The following UBALD2 variants were observed in gnomAD, a reference collection of about 807,000 sequenced individuals.
UBALD2 encodes the protein UBA like domain containing 2.
In UBALD2, 8 loss-of-function variants were observed where a neutral mutation model predicts 15.9. That is an observed-to-expected ratio of 0.50 (90% CI 0.29 to 0.91). The LOEUF is 0.91. UBALD2 is among the 40% of genes least tolerant of loss of function. UBALD2 has a pLI of 0.07. For synonymous variants in UBALD2, 113 were observed against 97.7 expected, an observed-to-expected ratio of 1.16 and a Z score of -0.93; for missense variants, 178 against 234.8, an observed-to-expected ratio of 0.76 and a Z score of 1.58.
intron 2 of UBALD2, among the ~76,000 whole-genome samples, chr17:76,267,312 T>C (rs574609103): frequency 2.6e-5 from 4 of 152,208 alleles, no homozygotes; most frequent in African/African-American, 9.6e-5. Flanking sequence ...CCTGTTTAGT[T>C]CCTATTGCCC....
At chr17:76,268,387 C>T (rs1313582200) in intron 2 of UBALD2, among the ~76,000 whole-genome samples, 2 of 151,874 alleles carry the variant, frequency 1.3e-5, no homozygotes, top group East Asian at 1.9e-4. Context: ...CGCTGGCTGG[C>T]GGGGAACTGG....
chr17:76,265,828 G>A (rs1234578863), intron 1 of UBALD2, 79 bp from the exon 2 acceptor site: 1 of 1,513,476 alleles, frequency 6.6e-7, no homozygotes, highest in South Asian at 1.2e-5. Flanking sequence ...GCGGAGGCGG[G>A]GAGAGCCGGT....
chr17:76,270,231 A>G lies in UBALD2; in HGVS notation c.221A>G (p.Asn74Ser). Reference sequence around the variant, plus strand: ...AGCAACACCCCTGCCACGCCGCCCAACTTCCCCGATGCGCTGGCCATGTTC... The same window carrying G: ...AGCAACACCCCTGCCACGCCGCCCAGCTTCCCCGATGCGCTGGCCATGTTC... ...TPSNTPATPP[N>S]FPDALAMFSK... is the part of the protein sequence containing the mutation. Residue 74 changes from asparagine to serine, a missense_variant, in exon 3 of 3, where the codon AAC becomes AGC. By Grantham distance (46) the Asn-to-Ser change is conservative (BLOSUM62 1). Transcript: ENST00000327490. The G allele has an allele frequency of 1.2e-6, 2 of 1,612,650 alleles. No homozygotes were observed. Among genetic ancestry groups the G allele is most frequent in the Non-Finnish European group, 1.7e-6 (2 of 1,179,896 alleles).
intron 2 of UBALD2, among the ~76,000 whole-genome samples, chr17:76,267,490 C>CTTTTTTTTTT (rs55819046): frequency 8.7e-6 from 1 of 115,096 alleles, no homozygotes; most frequent in Non-Finnish European, 1.7e-5. Flanking sequence ...TTCATGGTTT[C>CTTTTTTTTTT]TTTTTTTTTT....
rs200806617 is a variant in UBALD2 at position 76,265,979 on chromosome 17, G to T, written c.183+10G>T. 59 of 1,564,774 alleles carry T rather than the reference G, an allele frequency of 3.8e-5. No homozygotes were observed. The East Asian group carries it at 1.0e-3, about 26-fold the overall frequency. The stretch of plus-strand genomic sequence containing the variant: ...CCACCACCACCAGATGGTAAGCGGC[G>T]GCGGGCAGGGGCGCGGGCCGGGGCC... On this transcript the variant is annotated intron_variant, in intron 2 of 2. Coordinates refer to ENST00000327490, the MANE Select transcript of UBALD2 (RefSeq NM_182565.4).
chr17:76,268,219 C>T (rs1356844825), intron 2 of UBALD2, among the ~76,000 whole-genome samples: 6 of 152,130 alleles, frequency 3.9e-5, no homozygotes, highest in East Asian at 1.9e-4. Context: ...GAGAACTGGC[C>T]GAGAGGGCAT....
At position 76,265,984 on chromosome 17, in the gene UBALD2, G is replaced by C; in HGVS notation, c.183+15G>C. The stretch of plus-strand genomic sequence containing the variant: ...ACCACCAGATGGTAAGCGGCGGCGG[G>C]CAGGGGCGCGGGCCGGGGCCGCTGT... On this transcript the variant is annotated intron_variant, in intron 2 of 2. Coordinates refer to ENST00000327490, the MANE Select transcript of UBALD2 (RefSeq NM_182565.4). 6.4e-7 allele frequency: 1 copy of C among 1,562,990 alleles called. No homozygotes were observed.
chr17:76,265,986 AG>A lies in UBALD2; in HGVS notation c.183+21del. ...CACCAGATGGTAAGCGGCGGCGGGC[AG>A]GGGCGCGGGCCGGGGCCGCTGTCAG... On this transcript the variant is annotated intron_variant, in intron 2 of 2. Coordinates refer to ENST00000327490, the MANE Select transcript of UBALD2 (RefSeq NM_182565.4). 6.4e-7 allele frequency: 1 copy of A among 1,560,516 alleles called. No homozygotes were observed. The highest frequency in any genetic ancestry group is 8.7e-7 in the Non-Finnish European group (1 of 1,154,050).
Position 76,270,579 on chromosome 17 carries a change from G to A in UBALD2, c.*74G>A. 1 of 1,281,874 alleles carries A rather than the reference G, an allele frequency of 7.8e-7. No homozygotes were observed. The highest frequency in any genetic ancestry group is 1.8e-5 in the South Asian group (1 of 56,474). 79.4% of individuals were successfully genotyped at this position (1,281,874 alleles called of 1,614,324 possible). ...TGTGGGGACACAGGAGGGCCAGGGA[G>A]GGGGGAGCCGGGGAGGGCAGGGGGT... On this transcript the variant is annotated 3_prime_UTR_variant, in exon 3 of 3. Transcript: ENST00000327490.
chr17:76,265,693 G>C, intron 1 of UBALD2, 68 bp downstream of exon 1: 4 of 1,185,928 alleles, frequency 3.4e-6, no homozygotes, highest in Non-Finnish European at 4.2e-6. Flanking sequence ...CGGGGGCGGG[G>C]AGCGCTCCTG....
intron 2 of UBALD2, among the ~76,000 whole-genome samples, chr17:76,267,089 C>T (rs919891941): frequency 1.3e-5 from 2 of 152,144 alleles, no homozygotes; most frequent in African/African-American, 4.8e-5. Context: ...GTTTCATCTC[C>T]AGGGGACACC....
rs2070569336 is a variant in UBALD2 at position 76,269,473 on chromosome 17, C to G, written c.184-721C>G. Reference sequence around the variant, plus strand: ...CCCAGATATAAAGGGGCTCTTGACTCTGTGCAGCGTGGCCCAGTAGATGTT... The same window carrying G: ...CCCAGATATAAAGGGGCTCTTGACTGTGTGCAGCGTGGCCCAGTAGATGTT... On this transcript the variant is annotated intron_variant, in intron 2 of 2. Transcript: ENST00000327490. The surrounding 1 kb of genome is among the most constrained non-coding windows in gnomAD (Gnocchi z 4.6). Among the ~76,000 whole-genome samples, 1 of 152,092 alleles carries G rather than the reference C, an allele frequency of 6.6e-6. No individual in the cohort carries two copies. The highest frequency in any genetic ancestry group is 2.1e-4 in the South Asian group (1 of 4,830).
chr17:76,265,616 G>A lies in UBALD2; in HGVS notation c.111G>A (p.Trp37Ter). 7.8e-7 allele frequency: 1 copy of A among 1,288,334 alleles called. No homozygotes were observed. The highest frequency in any genetic ancestry group is 1.0e-6 in the Non-Finnish European group (1 of 999,186). The allele number at this position is 1,288,334 out of a possible 1,614,324, so 79.8% of individuals were successfully genotyped here. A position where few individuals can be genotyped will look rare whatever the true frequency, so the allele number is the denominator to read the frequency against. ...QAKQLLQAAH[W>*]QFETALSTFF... is the part of the protein sequence containing the mutation. The stretch of plus-strand genomic sequence containing the variant: ...AGCAGTTGCTGCAGGCGGCCCACTG[G>A]CAGTTCGAGGTGCGAGCCTGGCCGC... The change falls in exon 1 of 3, where the codon TGG becomes TGA. Residue 37 changes from tryptophan (W) to a stop codon, truncating the protein, a stop_gained. Coordinates refer to ENST00000327490, the MANE Select transcript of UBALD2 (RefSeq NM_182565.4). LOFTEE classifies it high-confidence loss of function.
intron 2 of UBALD2, among the ~76,000 whole-genome samples, chr17:76,267,536 A>G (rs76423127): frequency 0.13 from 19,063 of 142,634 alleles, 3,237 homozygotes; most frequent in African/African-American, 0.41. Context: ...GAGAAAGGCC[A>G]GGGCAGGGGG....
intron 2 of UBALD2, among the ~76,000 whole-genome samples, chr17:76,267,280 C>T (rs1374868203): frequency 6.6e-6 from 1 of 152,190 alleles, no homozygotes; most frequent in East Asian, 1.9e-4. Context: ...GGGAGGCTCC[C>T]CAGGAAGAGC....
At chr17:76,265,846 C>A in intron 1 of UBALD2, 61 bp from the exon 2 acceptor site, 1 of 1,546,404 alleles carries the variant, frequency 6.5e-7, no homozygotes, top group Middle Eastern at 1.9e-4. Context: ...GGTGGGGGGC[C>A]CAGCCGCTGC....
At chr17:76,268,235 G>A (rs919487421) in intron 2 of UBALD2, among the ~76,000 whole-genome samples, 1 of 152,184 alleles carries the variant, frequency 6.6e-6, no homozygotes, top group Non-Finnish European at 1.5e-5. Flanking sequence ...GGCATATCTG[G>A]TTCAAAACCC....
At chr17:76,267,749 T>C (rs2070555935) in intron 2 of UBALD2, among the ~76,000 whole-genome samples, 1 of 148,680 alleles carries the variant, frequency 6.7e-6, no homozygotes, top group African/African-American at 2.5e-5. Context: ...ACCGCAACCT[T>C]CACCTCCTGG....
rs537099218 is a variant in UBALD2, at chr17:76,270,062, G to A, written c.184-132G>A. On this transcript the variant is annotated intron_variant, in intron 2 of 2. Transcript: ENST00000327490. The stretch of plus-strand genomic sequence containing the variant: ...CTCGGGGAGAGGGCACTTTTGTCCT[G>A]TGGAAGCTGCTTGTGCGAAAATGAA... 27 of 916,408 alleles carry A rather than the reference G, an allele frequency of 2.9e-5. No individual in the cohort carries two copies. The South Asian group carries it at 4.0e-4, about 14-fold the overall frequency. 56.8% of individuals were successfully genotyped at this position (916,408 alleles called of 1,614,324 possible).
Sources: gnomAD v4.1 joint callset for allele counts (sites outside exome capture counted in the v4.1 genomes callset) on GRCh38, gnomAD v4.1.1 for gene constraint, Gnocchi (gnomAD v3.1) non-coding constraint, MANE v1.5 for transcripts, NCBI Gene and HGNC (gene_info 2026-07-23, HGNC 2026-07-21) for gene names.